Variants in CCDC27 observed in about 807,000 individuals in gnomAD.
CCDC27 encodes the protein coiled-coil domain containing 27.
CCDC27 carries 80 observed loss-of-function variants against 80.3 expected under a neutral mutation model. The observed-to-expected ratio is 1.00, with a 90% CI of 0.83 to 1.20. CCDC27 has a LOEUF of 1.20. Ranked by LOEUF, CCDC27 falls within the 50% of genes most tolerant of loss-of-function variation. The pLI is 0.00. For missense variants in CCDC27, 815 were observed against 809.4 expected, an observed-to-expected ratio of 1.01 and a Z score of -0.08; for synonymous variants, 342 against 334.3, an observed-to-expected ratio of 1.02 and a Z score of -0.25.
chr1:3,759,395 T>G (rs12131045), intron 4 of CCDC27, among the ~76,000 whole-genome samples: 37,819 of 152,170 alleles, frequency 0.25, 4,873 homozygotes, highest in Admixed American at 0.27. Context: ...TTGATGCAGC[T>G]TGGGCAGGGT....
chr1:3,755,349 C>A (rs1557620164), intron 2 of CCDC27, 108 bp from the exon 3 acceptor site: 1 of 924,580 alleles, frequency 1.1e-6, no homozygotes, highest in Non-Finnish European at 1.7e-6. Context: ...TTAAAAAAAG[C>A]CACCTGTGTC....
At chr1:3,752,897 C>T (rs1642858668) in intron 1 of CCDC27, 98 bp downstream of exon 1, 10 of 1,328,708 alleles carry the variant, frequency 7.5e-6, no homozygotes, top group Admixed American at 2.3e-5. Context: ...CAAAGCATTC[C>T]ACAGGCCTTC....
intron 4 of CCDC27, among the ~76,000 whole-genome samples, chr1:3,758,824 T>C (rs1282190976): frequency 6.6e-6 from 1 of 151,854 alleles, no homozygotes; most frequent in Non-Finnish European, 1.5e-5. Flanking sequence ...CTCGAACTCT[T>C]GAGCTCAAGT....
chr1:3,768,756 G>A lies in CCDC27; in HGVS notation c.1744-1027G>A, dbSNP rs1001441421. On this transcript the variant is annotated intron_variant, in intron 10 of 11. Coordinates refer to ENST00000294600, the MANE Select transcript of CCDC27 (RefSeq NM_152492.3). The surrounding 1 kb of genome is among the most constrained non-coding windows in gnomAD (Gnocchi z 5.6). ...GCCAAGCCTGATGGTGAGGCCCCAC[G>A]GGTGTGGGGAAGTGAGGCTGGACAC... Among the ~76,000 whole-genome samples the A allele has an allele frequency of 3.3e-5, 5 of 152,178 alleles. No individual in the cohort carries two copies. Among genetic ancestry groups the A allele is most frequent in the African/African-American group, 1.2e-4 (5 of 41,436 alleles).
At chr1:3,759,541 A>C (rs1272053033) in intron 4 of CCDC27, among the ~76,000 whole-genome samples, 1 of 152,136 alleles carries the variant, frequency 6.6e-6, no homozygotes, top group Non-Finnish European at 1.5e-5. Flanking sequence ...ATTTTTCTCT[A>C]GTGTCTGCTT....
chr1:3,765,252 T>G (rs1470572595), intron 8 of CCDC27, among the ~76,000 whole-genome samples: 1 of 152,206 alleles, frequency 6.6e-6, no homozygotes, highest in South Asian at 2.1e-4. Flanking sequence ...GGGTTGGTTG[T>G]TCCTCTCTGG....
In CCDC27 at chr1:3,767,386, G is replaced by A. The variant is rs929048917; in HGVS notation, c.1684G>A (p.Glu562Lys). ...QLQEDLQSKK[E>K]MIQQAEQHTR... The stretch of plus-strand genomic sequence containing the variant: ...GCAGGAGGATTTGCAGAGCAAGAAG[G>A]AGATGATTCAGCAGGCAGAGCAGCA... The change falls in exon 10 of 12, where the codon GAG (glutamate) becomes AAG (lysine). Residue 562 changes from glutamate (E) to lysine (K), a missense_variant. Glu to Lys is a moderately conservative substitution (Grantham distance 56). Transcript: ENST00000294600. 6 of 1,613,714 alleles carry A rather than the reference G, an allele frequency of 3.7e-6. No individual in the cohort carries two copies. The highest frequency in any genetic ancestry group is 3.3e-5 in the Admixed American group (2 of 60,010).
In CCDC27 at chr1:3,769,444, C is replaced by T. The variant is rs983520835; in HGVS notation, c.1744-339C>T. On this transcript the variant is annotated intron_variant, in intron 10 of 11. Coordinates refer to ENST00000294600, the MANE Select transcript of CCDC27 (RefSeq NM_152492.3). The surrounding 1 kb of genome is among the most constrained non-coding windows in gnomAD (Gnocchi z 4.6). ...GCAGTGGAGGATGGTCCAGGGGTTA[C>T]GTGCGGCTTCTGTACTATTTTGGTT... Among the ~76,000 whole-genome samples the T allele has an allele frequency of 2.0e-5, 3 of 152,136 alleles. No homozygotes were observed. The highest frequency in any genetic ancestry group is 2.9e-5 in the Non-Finnish European group (2 of 68,024).
At chr1:3,754,346 G>C (rs1642902376) in intron 2 of CCDC27, 105 bp downstream of exon 2, 6 of 1,388,666 alleles carry the variant, frequency 4.3e-6, no homozygotes, top group Non-Finnish European at 5.7e-6. Flanking sequence ...GCCAGAGTTG[G>C]CCTCCACAGT....
At chr1:3,765,555 T>C (rs887823229) in intron 8 of CCDC27, among the ~76,000 whole-genome samples, 2 of 152,222 alleles carry the variant, frequency 1.3e-5, no homozygotes, top group Non-Finnish European at 2.9e-5. Flanking sequence ...TCTTTTCATT[T>C]TGTTATAATA....
Position 3,754,182 on chromosome 1 carries a change from TC to T in CCDC27, c.387del (p.Thr130ArgfsTer80). ...TCCAAAATGGAACTTCGAAGGGTCT[TC>T]CCCACGCATCCTGACTGCCCCCAGT... is the stretch of plus-strand genomic sequence containing the variant. ...FMSKMELRRV[F>X]PTHPDCPQFS... On this transcript the variant is annotated frameshift_variant, in exon 2 of 12. Coordinates refer to ENST00000294600, the MANE Select transcript of CCDC27 (RefSeq NM_152492.3). LOFTEE classifies it high-confidence loss of function. 1.2e-6 allele frequency: 2 copies of T among 1,613,558 alleles called. No individual in the cohort carries two copies. Among genetic ancestry groups the T allele is most frequent in the African/African-American group, 1.3e-5 (1 of 74,888 alleles).
In CCDC27 at chr1:3,761,478, T is replaced by C. The variant is rs1180004810; in HGVS notation, c.861+48T>C. 3 of 1,588,376 alleles carry C rather than the reference T, an allele frequency of 1.9e-6. No homozygotes were observed. The highest frequency in any genetic ancestry group is 2.6e-6 in the Non-Finnish European group (3 of 1,167,076). Reference sequence around the variant, plus strand: ...CAGCGCAGAGCTCTAAGACGGTTGTTTTCAAAGCGTCCAAAGCTGCTAGTG... The same window carrying C: ...CAGCGCAGAGCTCTAAGACGGTTGTCTTCAAAGCGTCCAAAGCTGCTAGTG... On this transcript the variant is annotated intron_variant, in intron 5 of 11. Coordinates refer to ENST00000294600, the MANE Select transcript of CCDC27 (RefSeq NM_152492.3). This position sits in a 1 kb window ranked among gnomAD's most constrained non-coding sequence, Gnocchi z 5.0.
chr1:3,759,987 A>G lies in CCDC27; in HGVS notation c.712-1294A>G, dbSNP rs532865572. On this transcript the variant is annotated intron_variant, in intron 4 of 11. Coordinates refer to ENST00000294600, the MANE Select transcript of CCDC27 (RefSeq NM_152492.3). ...CAAGGGGCTCATCAGGCTTTTCTTT[A>G]TCTCCTCTCTGCCTTCGTCTGGGCT... Among the ~76,000 whole-genome samples the G allele has an allele frequency of 9.2e-5, 14 of 152,190 alleles. No homozygotes were observed. In the South Asian group the frequency reaches 2.9e-3, roughly 32 times the overall value.
At chr1:3,755,816 T>A (rs527891992) in intron 3 of CCDC27, 1 of 490,192 alleles carries the variant, frequency 2.0e-6, no homozygotes, top group East Asian at 3.6e-5. Context: ...TTGAAAGTTT[T>A]GTCCCCTTGG....
rs767999994 is a variant in CCDC27 at position 3,771,413 on chromosome 1, G to C, written c.1861G>C (p.Glu621Gln). The C allele has an allele frequency of 1.2e-6, 2 of 1,614,054 alleles. No homozygotes were observed. Among genetic ancestry groups the C allele is most frequent in the Admixed American group, 3.3e-5 (2 of 60,026 alleles). Reference protein sequence around the residue: ...ILEALQRIISERSDYYNQLKQ... With the variant: ...ILEALQRIISQRSDYYNQLKQ... Reference sequence around the variant, plus strand: ...GTTTCTTGTGTAGAGAATTATCTCAGAGAGAAGCGACTACTATAATCAGCT... The same window carrying C: ...GTTTCTTGTGTAGAGAATTATCTCACAGAGAAGCGACTACTATAATCAGCT... Residue 621 changes from glutamate to glutamine, a missense_variant, in exon 12 of 12, where the codon GAG becomes CAG. Glu to Gln is a conservative substitution (Grantham distance 29). Transcript: ENST00000294600.
At position 3,763,032 on chromosome 1, in the gene CCDC27, C is replaced by A; in HGVS notation, c.955-76C>A. The A allele has an allele frequency of 2.1e-6, 3 of 1,425,100 alleles. No homozygotes were observed. Among genetic ancestry groups the A allele is most frequent in the Non-Finnish European group, 2.8e-6 (3 of 1,086,968 alleles). 88.3% of individuals were successfully genotyped at this position (1,425,100 alleles called of 1,614,324 possible). On this transcript the variant is annotated intron_variant, in intron 6 of 11. Transcript: ENST00000294600. This position sits in a 1 kb window ranked among gnomAD's most constrained non-coding sequence, Gnocchi z 7.5. ...AAGGAGGCGCCCTCCCCGGTGCCCCCGCCATGAGCATTAGAGCCCTCTGCC... is the reference window on the plus strand; with the variant it reads ...AAGGAGGCGCCCTCCCCGGTGCCCCAGCCATGAGCATTAGAGCCCTCTGCC...
rs979277668 is a variant in CCDC27, at chr1:3,766,895, C to T, written c.1530+283C>T. Among the ~76,000 whole-genome samples, 3 of 137,810 alleles carry T rather than the reference C, an allele frequency of 2.2e-5. No individual in the cohort carries two copies. In the Admixed American group the frequency reaches 2.4e-4, roughly 11 times the overall value. The allele number at this position is 137,810 out of a possible 152,430, so 90.4% of individuals were successfully genotyped here. A position where few individuals can be genotyped will look rare whatever the true frequency, so the allele number is the denominator to read the frequency against. On this transcript the variant is annotated intron_variant, in intron 9 of 11. Transcript: ENST00000294600. The surrounding 1 kb of genome is among the most constrained non-coding windows in gnomAD (Gnocchi z 6.1). The stretch of plus-strand genomic sequence containing the variant: ...CCTGCTCCGTCACCAGGCTGGAGTG[C>T]AGTGGTGTGATCTCAGCTCACTGCA...
At position 3,769,812 on chromosome 1, in the gene CCDC27, G is replaced by A. The variant is rs1643315288; in HGVS notation, c.1773G>A (p.Gln591=). The part of the protein sequence containing the change: ...RLERLRNKII[Q]ATFSISGTKS... ...AGAGGTTAAGGAATAAGATCATCCA[G>A]GCCACCTTTAGCATCTCCGGGACCA... Residue 591 remains glutamine, a synonymous_variant, in exon 11 of 12, where the codon CAG becomes CAA. Coordinates refer to ENST00000294600, the MANE Select transcript of CCDC27 (RefSeq NM_152492.3). The surrounding 1 kb of genome is among the most constrained non-coding windows in gnomAD (Gnocchi z 4.6). 1 of 1,614,020 alleles carries A rather than the reference G, an allele frequency of 6.2e-7. No individual in the cohort carries two copies. The highest frequency in any genetic ancestry group is 8.5e-7 in the Non-Finnish European group (1 of 1,179,946).
rs16824081 is a variant in CCDC27, at chr1:3,766,785, G to A, written c.1530+173G>A. Among the ~76,000 whole-genome samples, 21,187 of 150,110 alleles carry A rather than the reference G, an allele frequency of 0.14. 2,423 individuals carry two copies. The highest frequency in any genetic ancestry group is 0.31 in the African/African-American group (12,417 of 40,604). On this transcript the variant is annotated intron_variant, in intron 9 of 11. Transcript: ENST00000294600. This position sits in a 1 kb window ranked among gnomAD's most constrained non-coding sequence, Gnocchi z 6.1. ...CCCACGTCCACACAGAAGGCTCCTC[G>A]CAATTGCTGGGTCCAGACTGGACTG...
Sources: gnomAD v4.1 joint callset for allele counts (sites outside exome capture counted in the v4.1 genomes callset) on GRCh38, gnomAD v4.1.1 for gene constraint, Gnocchi (gnomAD v3.1) non-coding constraint, MANE v1.5 for transcripts, NCBI Gene and HGNC (gene_info 2026-07-23, HGNC 2026-07-21) for gene names.